The following CDC42BPG variants were observed in gnomAD, a reference collection of about 807,000 sequenced individuals.
CDC42BPG encodes serine/threonine-protein kinase MRCK gamma.
Under a neutral mutation model 192.2 loss-of-function variants are expected in CDC42BPG, and 157 were observed. That is an observed-to-expected ratio of 0.82 (90% CI 0.72 to 0.93). CDC42BPG has a LOEUF of 0.93. Ranked by LOEUF, CDC42BPG falls within the 40% of genes least tolerant of loss-of-function variation. The pLI, the probability that CDC42BPG is intolerant of heterozygous loss-of-function variation, is 0.00. For synonymous variants in CDC42BPG, 981 were observed against 918.5 expected (o/e 1.07, Z -1.23); for missense variants, 1,992 against 2,122.1 (o/e 0.94, Z 1.20).
chr11:64,836,791 C>A lies in CDC42BPG; in HGVS notation c.1332G>T (p.Arg444=). Residue 444 remains arginine, a synonymous_variant, in exon 11 of 37, where the codon CGG becomes CGT. Transcript: ENST00000342711. The part of the protein sequence containing the change: ...QEALHAPTDH[R]ELEQLRKEVQ... ...CTTCCTTCCGTAGCTGCTCCAGCTC[C>A]CGATGGTCTGTGGGGGCGTGCAGGG... is the stretch of plus-strand genomic sequence containing the variant. 1 of 1,602,352 alleles carries A rather than the reference C, an allele frequency of 6.2e-7. No individual in the cohort carries two copies.
intron 30 of CDC42BPG, among the ~76,000 whole-genome samples, chr11:64,829,128 G>A (rs1942566913): frequency 6.6e-6 from 1 of 152,174 alleles, no homozygotes; most frequent in Admixed American, 6.5e-5. Context: ...GGTGAGGTGG[G>A]AGGATCACTT....
At chr11:64,826,592 G>A (rs1333683893) in intron 35 of CDC42BPG, 37 bp from the exon 36 acceptor site, 1 of 1,588,520 alleles carries the variant, frequency 6.3e-7, no homozygotes, top group East Asian at 2.3e-5. Context: ...AAAATACCAA[G>A]ATCAGATTTC....
rs771629662 is a variant in CDC42BPG at position 64,827,668 on chromosome 11, G to A, written c.4065+18C>T. ...CCTCCACCCCCGGCGCTACCCCAGG[G>A]CTCTGGCGGACCCTCACCTTCTTGA... On this transcript the variant is annotated intron_variant, in intron 31 of 36. Transcript: ENST00000342711. 6.2e-7 allele frequency: 1 copy of A among 1,607,868 alleles called. No individual in the cohort carries two copies. Among genetic ancestry groups the A allele is most frequent in the Non-Finnish European group, 8.5e-7 (1 of 1,175,734 alleles).
intron 28 of CDC42BPG, 180 bp from the exon 29 acceptor site, chr11:64,830,436 G>T: frequency 1.5e-6 from 1 of 645,746 alleles, no homozygotes; most frequent in East Asian, 2.7e-5. Flanking sequence ...CAGAGGGGTT[G>T]GGGTGAGGCC....
At chr11:64,830,764 G>C (rs7940569) in intron 28 of CDC42BPG, among the ~76,000 whole-genome samples, 78,007 of 152,010 alleles carry the variant, frequency 0.51, 21,757 homozygotes, top group Non-Finnish European at 0.65. Flanking sequence ...TTACAGAAGA[G>C]CCCTGCTGAG....
chr11:64,840,095 C>A, intron 5 of CDC42BPG, 25 bp downstream of exon 5: 1 of 1,601,520 alleles, frequency 6.2e-7, no homozygotes, highest in Non-Finnish European at 8.5e-7. Context: ...CGGGGTTGGG[C>A]AGGGCAGCGG....
intron 27 of CDC42BPG, 86 bp from the exon 28 acceptor site, chr11:64,831,807 CG>C (rs1942707028): frequency 1.6e-6 from 2 of 1,276,634 alleles, no homozygotes; most frequent in Non-Finnish European, 2.2e-6. Flanking sequence ...CGCTGTGCCC[CG>C]GGGGCCTAGC....
chr11:64,843,673 G>A (rs1387949516), intron 1 of CDC42BPG, among the ~76,000 whole-genome samples: 1 of 152,230 alleles, frequency 6.6e-6, no homozygotes, highest in Non-Finnish European at 1.5e-5. Context: ...TGGGTTCAGG[G>A]TCACCCCGGG....
chr11:64,835,187 C>T (rs769203205), intron 16 of CDC42BPG, 34 bp from the exon 17 acceptor site: 1 of 1,602,128 alleles, frequency 6.2e-7, no homozygotes, highest in Non-Finnish European at 8.5e-7. Flanking sequence ...CAGCCCCAGG[C>T]CCCAGCAGTC....
intron 30 of CDC42BPG, among the ~76,000 whole-genome samples, chr11:64,829,059 A>G (rs1221253450): frequency 3.3e-5 from 5 of 152,090 alleles, no homozygotes; most frequent in African/African-American, 1.2e-4. Context: ...CTCAAACAAA[A>G]CAAAACAAAA....
intron 3 of CDC42BPG, among the ~76,000 whole-genome samples, chr11:64,840,903 C>A (rs941824813): frequency 1.3e-5 from 2 of 152,194 alleles, no homozygotes; most frequent in Non-Finnish European, 2.9e-5. Context: ...AATCCCAGCA[C>A]TTTGGGAGGC....
Position 64,838,722 on chromosome 11 carries a change from T to C in CDC42BPG, c.1057A>G (p.Ile353Val), listed in dbSNP as rs1472171751. 6 of 1,612,932 alleles carry C rather than the reference T, an allele frequency of 3.7e-6. No homozygotes were observed. The highest frequency in any genetic ancestry group is 4.2e-6 in the Non-Finnish European group (5 of 1,180,016). Reference protein sequence around the residue: ...ERLASSTAPYIPELRGPMDTS... With the variant: ...ERLASSTAPYVPELRGPMDTS... The stretch of plus-strand genomic sequence containing the variant: ...TCCATGGGCCCCCGCAGCTCAGGAA[T>C]ATAGGGGGCCGTGCTGCTCGCCAGC... Residue 353 changes from isoleucine (I) to valine (V), a missense_variant, in exon 8 of 37, where the codon ATT becomes GTT. Ile to Val is a conservative substitution (Grantham distance 29). This residue lies in a region of CDC42BPG where 1,656 missense variants were observed against 1,844.3 expected (regional missense o/e 0.90). Coordinates refer to ENST00000342711, the MANE Select transcript of CDC42BPG (RefSeq NM_017525.3).
rs774097192 is a variant in CDC42BPG, at chr11:64,824,586, T to C, written c.4600-57A>G. ...AGGATCAGGAAGAACTCTTTCCTCATAGGGCTGGTGGGTCCTGGAGGCCCC... is the reference window on the plus strand; with the variant it reads ...AGGATCAGGAAGAACTCTTTCCTCACAGGGCTGGTGGGTCCTGGAGGCCCC... On this transcript the variant is annotated intron_variant, in intron 36 of 36. Coordinates refer to ENST00000342711, the MANE Select transcript of CDC42BPG (RefSeq NM_017525.3). 9.3e-6 allele frequency: 12 copies of C among 1,291,046 alleles called. No individual in the cohort carries two copies. The East Asian group carries it at 1.6e-4, about 17-fold the overall frequency. 80.0% of individuals were successfully genotyped at this position (1,291,046 alleles called of 1,614,324 possible).
chr11:64,837,409 G>A (rs1487071844), intron 9 of CDC42BPG, among the ~76,000 whole-genome samples: 3 of 152,156 alleles, frequency 2.0e-5, no homozygotes, highest in Non-Finnish European at 2.9e-5. Context: ...AGAGCACACC[G>A]CACCAGGACC....
intron 13 of CDC42BPG, 23 bp downstream of exon 13, chr11:64,836,094 C>T (rs964293029): frequency 6.3e-7 from 1 of 1,581,360 alleles, no homozygotes; most frequent in Non-Finnish European, 8.6e-7. Flanking sequence ...CAGGTGCTGT[C>T]CCTACCCACC....
intron 5 of CDC42BPG, 144 bp from the exon 6 acceptor site, chr11:64,839,715 C>CGT (rs1393640362): frequency 7.7e-6 from 5 of 646,350 alleles, no homozygotes; most frequent in South Asian, 1.9e-5. Flanking sequence ...TGATGAGCAA[C>CGT]GTGTGTGTGT....
chr11:64,834,193 C>T (rs1046681123), intron 20 of CDC42BPG, 73 bp downstream of exon 20: 16 of 1,465,198 alleles, frequency 1.1e-5, no homozygotes, highest in Non-Finnish European at 1.5e-5. Flanking sequence ...GCCAGGCCAT[C>T]GTGGAGCCCC....
At chr11:64,835,737 T>C (rs1484407199) in intron 14 of CDC42BPG, 25 bp downstream of exon 14, 4 of 1,612,760 alleles carry the variant, frequency 2.5e-6, no homozygotes, top group Non-Finnish European at 2.5e-6. Context: ...GAAGCACCTC[T>C]TGCCAAGGGG....
chr11:64,827,091 C>G lies in CDC42BPG; in HGVS notation c.4348G>C (p.Gly1450Arg). The change falls in exon 34 of 37, where the codon GGC becomes CGC. Residue 1450 changes from glycine (G) to arginine (R), a missense_variant. Physicochemically the swap from Gly to Arg is moderately radical, Grantham distance 125. Around this residue, in one of 2 missense-constraint regions of CDC42BPG, gnomAD observed 336 missense variants for 277.9 expected, o/e 1.21. Transcript: ENST00000342711. The stretch of plus-strand genomic sequence containing the variant: ...GCGCCGGGCCGCCCGTTGGCAGGGC[C>G]CACGTGTACTAGGTGGTTGAAGTTG... ...PTNFNHLVHV[G>R]PANGRPGARD... 6.2e-7 allele frequency: 1 copy of G among 1,613,900 alleles called. No individual in the cohort carries two copies. The highest frequency in any genetic ancestry group is 8.5e-7 in the Non-Finnish European group (1 of 1,179,814).
Sources: gnomAD v4.1 joint callset for allele counts (sites outside exome capture counted in the v4.1 genomes callset) on GRCh38, gnomAD v4.1.1 for gene constraint, gnomAD v4.1.1 regional missense constraint, MANE v1.5 for transcripts, NCBI Gene and HGNC (gene_info 2026-07-23, HGNC 2026-07-21) for gene names.